Variants in GGT1 observed in about 807,000 individuals in gnomAD.
GGT1 encodes glutathione hydrolase 1 proenzyme.
Under a neutral mutation model 56.0 loss-of-function variants are expected in GGT1, and 21 were observed. The ratio of observed to expected loss-of-function variants is 0.38; its 90% CI spans 0.27 to 0.54. The LOEUF (loss-of-function observed/expected upper bound fraction) is 0.54. GGT1 is among the 20% of genes least tolerant of loss of function. The pLI is 0.82. For missense variants in GGT1, 466 were observed against 787.0 expected (o/e 0.59, Z 4.88); for synonymous variants, 238 against 342.6 (o/e 0.69, Z 3.37).
chr22:24,598,707 C>T (rs2045735019), upstream of GGT1, among the ~76,000 whole-genome samples: 1 of 152,174 alleles, frequency 6.6e-6, no homozygotes, highest in Admixed American at 6.5e-5. Context: ...GCATGTGCCA[C>T]TATGCCCAGC....
chr22:24,589,867 T>C (rs1343506165), upstream of GGT1: 5 of 1,613,932 alleles, frequency 3.1e-6, no homozygotes, highest in Non-Finnish European at 3.4e-6. Context: ...AAGCAGGTCA[T>C]GGGAGATGGG....
At position 24,621,002 on chromosome 22, in the gene GGT1, T is replaced by C; in HGVS notation, c.665T>C (p.Ile222Thr). The C allele has an allele frequency of 6.2e-7, 1 of 1,611,292 alleles. No homozygotes were observed. Among genetic ancestry groups the C allele is most frequent in the African/African-American group, 1.3e-5 (1 of 74,948 alleles). The change falls in exon 9 of 16, where the codon ATC becomes ACC. Residue 222 changes from isoleucine to threonine, a missense_variant. Ile to Thr is a moderately conservative substitution (Grantham distance 89, BLOSUM62 -1). Around this residue, in one of 2 missense-constraint regions of GGT1, gnomAD observed 456 missense variants for 716.7 expected, o/e 0.64. Transcript: ENST00000400382. Reference protein sequence around the residue: ...QLADTYETLAIEGAQAFYNGS... With the variant: ...QLADTYETLATEGAQAFYNGS... ...GCTGACACCTACGAGACGCTGGCCA[T>C]CGAGGGTGCCCAGGCCTTCTACAAC...
At chr22:24,596,121 G>T (rs768502624) in intron 1 of GGT1, among the ~76,000 whole-genome samples, 257 of 152,326 alleles carry the variant, frequency 1.7e-3, no homozygotes, top group Non-Finnish European at 2.9e-3. Flanking sequence ...GCAGAGCTTG[G>T]CGGGGTGAGG....
intron 1 of GGT1, among the ~76,000 whole-genome samples, chr22:24,606,085 AT>A (rs2046304072): frequency 9.4e-6 from 1 of 106,028 alleles, no homozygotes; most frequent in African/African-American, 4.9e-5. Flanking sequence ...TATATCATAT[AT>A]TATATTTATA....
the GGT1 span, chr22:24,586,178 C>T: frequency 1.9e-4 from 310 of 1,613,582 alleles, no homozygotes; most frequent in Non-Finnish European, 2.4e-4. Flanking sequence ...CCGCGTCAGT[C>T]GGTTGCCGTT....
At chr22:24,614,541 G>A (rs1315022550) in intron 5 of GGT1, among the ~76,000 whole-genome samples, 11 of 147,416 alleles carry the variant, frequency 7.5e-5, no homozygotes, top group Admixed American at 2.7e-4. Context: ...GCTTGAACCC[G>A]GGAGGCAGAG....
At chr22:24,590,435 T>C (rs774652870), upstream of GGT1, among the ~76,000 whole-genome samples, 1 of 152,050 alleles carries the variant, frequency 6.6e-6, no homozygotes, top group African/African-American at 2.4e-5. Context: ...TTTGGATAAG[T>C]AGAGGGGAGG....
At chr22:24,617,494 AG>A (rs59585896) in intron 7 of GGT1, among the ~76,000 whole-genome samples, 4,878 of 151,986 alleles carry the variant, frequency 0.032, 278 homozygotes, top group African/African-American at 0.11. Context: ...ATTCGTGGAG[AG>A]GGTGCTGGGA....
upstream of GGT1, among the ~76,000 whole-genome samples, chr22:24,590,783 C>A (rs1413278990): frequency 6.6e-6 from 1 of 152,162 alleles, no homozygotes; most frequent in Non-Finnish European, 1.5e-5. Context: ...TGAAGCCAGC[C>A]TCACCACCCA....
upstream of GGT1, chr22:24,592,556 CCACCCTCAA>C: frequency 4.4e-6 from 2 of 450,778 alleles, no homozygotes; most frequent in Non-Finnish European, 8.5e-6. Flanking sequence ...GGCTACCGGG[CCACCCTCAA>C]CACACACAAC....
chr22:24,622,181 CA>C (rs1008132196), intron 9 of GGT1, among the ~76,000 whole-genome samples: 8 of 27,858 alleles, frequency 2.9e-4, no homozygotes, highest in African/African-American at 6.1e-4. Context: ...AGTGAGTCTA[CA>C]AAAAAAATAT....
chr22:24,605,255 GTATTATA>G (rs1324470556), intron 1 of GGT1, among the ~76,000 whole-genome samples: 4 of 24,426 alleles, frequency 1.6e-4, no homozygotes, highest in Admixed American at 9.2e-4. Context: ...TATATAATAT[GTATTATA>G]TATTATATAA....
chr22:24,627,421 G>T lies in GGT1; in HGVS notation c.1021-11G>T. ...CCCCACCTCCTCAGGCCAGCTCTGG[G>T]GTCTCGGCAGGTGGTCCGCAACATG... On this transcript the variant is annotated splice_polypyrimidine_tract_variant and intron_variant, in intron 11 of 15. Transcript: ENST00000400382. 3.1e-6 allele frequency: 5 copies of T among 1,609,368 alleles called. No individual in the cohort carries two copies. Among genetic ancestry groups the T allele is most frequent in the South Asian group, 1.1e-5 (1 of 90,812 alleles).
chr22:24,623,840 G>A lies in GGT1; in HGVS notation c.944G>A (p.Arg315His), dbSNP rs779028206. 2.6e-5 allele frequency: 42 copies of A among 1,611,768 alleles called. No individual in the cohort carries two copies. The highest frequency in any genetic ancestry group is 3.1e-5 in the Non-Finnish European group (36 of 1,179,838). ...GAGCAGAAGGGCCTGACGTACCACCGCATCGTAGAGGCTTTCCGGTTTGCC... is the reference window on the plus strand; with the variant it reads ...GAGCAGAAGGGCCTGACGTACCACCACATCGTAGAGGCTTTCCGGTTTGCC... ...SPEQKGLTYH[R>H]IVEAFRFAYA... is the part of the protein sequence containing the mutation. The change falls in exon 11 of 16, where the codon CGC becomes CAC. Residue 315 changes from arginine (R) to histidine (H), a missense_variant. Around this residue, in one of 2 missense-constraint regions of GGT1, gnomAD observed 456 missense variants for 716.7 expected, o/e 0.64. Coordinates refer to ENST00000400382, the MANE Select transcript of GGT1 (RefSeq NM_001288833.2).
At chr22:24,588,395 G>GA in the GGT1 span, 1 of 1,268,648 alleles carries the variant, frequency 7.9e-7, no homozygotes, top group South Asian at 1.2e-5. Flanking sequence ...GCCTTGGGGA[G>GA]AGGGACCCAG....
chr22:24,600,233 T>C (rs1358065463), upstream of GGT1, among the ~76,000 whole-genome samples: 2 of 152,122 alleles, frequency 1.3e-5, no homozygotes, highest in Non-Finnish European at 2.9e-5. Flanking sequence ...GCCTTGAAAG[T>C]AGGAGGTGCA....
intron 5 of GGT1, among the ~76,000 whole-genome samples, chr22:24,611,543 C>CTATCTATCATCT (rs1349743774): frequency 3.3e-5 from 4 of 119,440 alleles, no homozygotes; most frequent in African/African-American, 6.6e-5. Flanking sequence ...ATCTATCTAT[C>CTATCTATCATCT]ATCTATCTAT....
chr22:24,605,741 A>G (rs186078952), intron 1 of GGT1, among the ~76,000 whole-genome samples: 5,348 of 49,982 alleles, frequency 0.11, 674 homozygotes, highest in Middle Eastern at 0.3. Flanking sequence ...AATATTATAT[A>G]ATGTGTATTA....
At chr22:24,591,431 G>C (rs951493563), upstream of GGT1, among the ~76,000 whole-genome samples, 11 of 152,234 alleles carry the variant, frequency 7.2e-5, no homozygotes, top group African/African-American at 2.7e-4. Flanking sequence ...GCCACAGCCA[G>C]GAGGGGCCTC....
Sources: allele counts gnomAD v4.1 joint callset (sites outside exome capture counted in the v4.1 genomes callset), GRCh38; gene constraint gnomAD v4.1.1; regional missense constraint gnomAD v4.1.1; transcripts MANE v1.5; gene names NCBI Gene and HGNC (gene_info 2026-07-23, HGNC 2026-07-21).